ZNF766: variants seen among roughly 807,000 people sequenced by gnomAD.
ZNF766 encodes the protein zinc finger protein 766.
A neutral mutation model predicts 13.2 loss-of-function variants in ZNF766; 13 were observed. The ratio of observed to expected loss-of-function variants is 0.98; its 90% CI spans 0.64 to 1.56. The LOEUF (loss-of-function observed/expected upper bound fraction) is 1.56, where lower values mean the gene tolerates loss of function less well. ZNF766 is among the 40% of genes most tolerant of loss of function. The probability of loss-of-function intolerance (pLI) is 0.00; values close to 1 mark genes in which losing one functional copy is unlikely to be tolerated. For missense variants in ZNF766, 521 were observed against 552.2 expected, an observed-to-expected ratio of 0.94 and a Z score of 0.57; for synonymous variants, 178 against 187.6, an observed-to-expected ratio of 0.95 and a Z score of 0.42.
chr19:52,281,026 A>G (rs960110065), intron 1 of ZNF766, among the ~76,000 whole-genome samples: 36 of 151,798 alleles, frequency 2.4e-4, no homozygotes, highest in African/African-American at 8.7e-4. Flanking sequence ...GTGGTGGCAC[A>G]TACCTGTAAT....
At position 52,277,806 on chromosome 19, in the gene ZNF766, G is replaced by A. The variant is rs182162268; in HGVS notation, c.19-4305G>A. On this transcript the variant is annotated intron_variant, in intron 1 of 3. Transcript: ENST00000439461. ...TGGGTGGAGACGGGGTGAGGGCCCC[G>A]TGGTGTCAGTGCTGTTGGGCAGCAG... 4.1e-3 allele frequency among the ~76,000 whole-genome samples: 629 copies of A among 152,142 alleles called. 3 individuals carry two copies. The highest frequency in any genetic ancestry group is 0.014 in the African/African-American group (593 of 41,504).
In ZNF766 at chr19:52,290,483, C is replaced by A; in HGVS notation, c.692C>A (p.Ala231Glu). 6.2e-7 allele frequency: 1 copy of A among 1,613,960 alleles called. No homozygotes were observed. The highest frequency in any genetic ancestry group is 8.5e-7 in the Non-Finnish European group (1 of 1,179,918). Reference protein sequence around the residue: ...GKTVRDKSGLAEHWRIRTGEK... With the variant: ...GKTVRDKSGLEEHWRIRTGEK... ...ACCGTCAGGGACAAGTCAGGCCTCG[C>A]AGAACATTGGAGAATTCGTACAGGA... The change falls in exon 4 of 4, where the codon GCA becomes GAA. Residue 231 changes from alanine to glutamate, a missense_variant. Transcript: ENST00000439461.
intron 1 of ZNF766, among the ~76,000 whole-genome samples, chr19:52,270,551 G>A (rs1980933302): frequency 6.6e-6 from 1 of 152,048 alleles, no homozygotes; most frequent in African/African-American, 2.4e-5. Flanking sequence ...GAGCAGCGTG[G>A]TGCTGGCACA....
At chr19:52,278,011 C>T (rs1269188333) in intron 1 of ZNF766, among the ~76,000 whole-genome samples, 9 of 142,416 alleles carry the variant, frequency 6.3e-5, no homozygotes, top group East Asian at 2.0e-4. Context: ...CTTGCTCTGT[C>T]GTCCAGGCTG....
chr19:52,286,310 G>A (rs1247132864), intron 3 of ZNF766, among the ~76,000 whole-genome samples: 1 of 150,110 alleles, frequency 6.7e-6, no homozygotes, highest in African/African-American at 2.5e-5. Context: ...AGTGTGTTGA[G>A]TGTTTTTCTT....
chr19:52,290,196 A>G lies in ZNF766; in HGVS notation c.405A>G (p.Gln135=), dbSNP rs200339450. Residue 135 remains glutamine, a synonymous_variant, in exon 4 of 4, where the codon CAA becomes CAG. Coordinates refer to ENST00000439461, the MANE Select transcript of ZNF766 (RefSeq NM_001010851.3). ...AAGGGAAGATTTATGAATGTAATCA[A>G]GTTCAAAAGTTCATCAGCCACAGTT... The part of the protein sequence containing the change: ...QGEGKIYECN[Q]VQKFISHSSS... 1.8e-4 allele frequency: 283 copies of G among 1,614,074 alleles called. No homozygotes were observed. In the African/African-American group the frequency reaches 3.1e-3, roughly 18 times the overall value.
chr19:52,284,411 A>G (rs1292543709), intron 3 of ZNF766, among the ~76,000 whole-genome samples: 1 of 152,168 alleles, frequency 6.6e-6, no homozygotes, highest in East Asian at 1.9e-4. Flanking sequence ...TGGAAACTGC[A>G]TGGAGCTGTT....
chr19:52,283,299 G>T lies in ZNF766; in HGVS notation c.160G>T (p.Asp54Tyr). Residue 54 changes from aspartate (D) to tyrosine (Y), a missense_variant, in exon 3 of 4, where the codon GAC (aspartate) becomes TAC (tyrosine). Transcript: ENST00000439461. ...NLVSLGICLP[D>Y]LSIISMMKQR... Reference sequence around the variant, plus strand: ...TTTATAAACAGGAATCTGTCTTCCTGACCTGAGTATTATCTCCATGATGAA... The same window carrying T: ...TTTATAAACAGGAATCTGTCTTCCTTACCTGAGTATTATCTCCATGATGAA... 1 of 1,613,466 alleles carries T rather than the reference G, an allele frequency of 6.2e-7. No homozygotes were observed. The highest frequency in any genetic ancestry group is 1.1e-5 in the South Asian group (1 of 90,950).
intron 1 of ZNF766, among the ~76,000 whole-genome samples, chr19:52,278,442 C>T (rs1033739138): frequency 5.3e-5 from 8 of 152,014 alleles, no homozygotes; most frequent in Non-Finnish European, 1.0e-4. Context: ...TCGCTGTTGT[C>T]GCCCAGGCTG....
intron 3 of ZNF766, among the ~76,000 whole-genome samples, chr19:52,286,145 TAAA>T (rs975698382): frequency 2.3e-5 from 3 of 132,970 alleles, no homozygotes; most frequent in African/African-American, 6.1e-5. Flanking sequence ...AGAGCTCAAT[TAAA>T]AAAAAAAAAA....
intron 1 of ZNF766, chr19:52,281,882 T>G (rs1228920152): frequency 5.4e-6 from 3 of 552,566 alleles, no homozygotes; most frequent in Non-Finnish European, 1.0e-5. Context: ...CAGGTAGATA[T>G]TGAATGAAAA....
At position 52,269,601 on chromosome 19, in the gene ZNF766, A is replaced by G. The variant is rs370484188; in HGVS notation, c.-13A>G. 18 of 1,612,244 alleles carry G rather than the reference A, an allele frequency of 1.1e-5. No homozygotes were observed. Among genetic ancestry groups the G allele is most frequent in the Non-Finnish European group, 1.4e-5 (16 of 1,179,628 alleles). On this transcript the variant is annotated 5_prime_UTR_variant, in exon 1 of 4. It removes an upstream start codon present in the reference 5' UTR. Transcript: ENST00000439461. ...CAGCCGCCTGCAGACCCGGAAGTGG[A>G]TGGCGTGGAGATATGGCGCAACTGC...
intron 1 of ZNF766, among the ~76,000 whole-genome samples, chr19:52,276,797 C>T (rs1287549341): frequency 1.3e-5 from 2 of 152,314 alleles, no homozygotes; most frequent in Non-Finnish European, 2.9e-5. Context: ...GCCGTGTTCT[C>T]ATTTCTGAAG....
chr19:52,279,997 T>C (rs983357638), intron 1 of ZNF766, among the ~76,000 whole-genome samples: 5 of 152,028 alleles, frequency 3.3e-5, no homozygotes, highest in African/African-American at 1.2e-4. Context: ...GGTTTCACCA[T>C]GTTGGCCAGG....
rs1305493393 is a variant in ZNF766, at chr19:52,288,720, A to G, written c.275-1346A>G. ...TTTTTTTTTTTTCATGTATGCATAC[A>G]TCATTACAATATCCCTTCCAGCACT... On this transcript the variant is annotated intron_variant, in intron 3 of 3. Coordinates refer to ENST00000439461, the MANE Select transcript of ZNF766 (RefSeq NM_001010851.3). Among the ~76,000 whole-genome samples, 3 of 150,922 alleles carry G rather than the reference A, an allele frequency of 2.0e-5. No homozygotes were observed. The East Asian group carries it at 5.9e-4, about 29-fold the overall frequency.
chr19:52,277,769 C>G (rs1265491571), intron 1 of ZNF766, among the ~76,000 whole-genome samples: 1 of 151,934 alleles, frequency 6.6e-6, no homozygotes, highest in Non-Finnish European at 1.5e-5. Flanking sequence ...GGGAAGGGCT[C>G]ACACCCAGAC....
chr19:52,281,397 T>C (rs1041717197), intron 1 of ZNF766: 5 of 274,830 alleles, frequency 1.8e-5, no homozygotes, highest in Non-Finnish European at 2.8e-5. Flanking sequence ...TGCGTGCCTG[T>C]AATGCTAGCT....
chr19:52,288,001 A>G (rs1467429110), intron 3 of ZNF766: 2 of 421,880 alleles, frequency 4.7e-6, no homozygotes, highest in African/African-American at 4.3e-5. Flanking sequence ...TCTTTCTGCT[A>G]TCTTAGTGTT....
chr19:52,287,113 G>A lies in ZNF766; in HGVS notation c.275-2953G>A, dbSNP rs865943980. On this transcript the variant is annotated intron_variant, in intron 3 of 3. Coordinates refer to ENST00000439461, the MANE Select transcript of ZNF766 (RefSeq NM_001010851.3). ...GCCTCCCAAAGTGCTGGGATTACAG[G>A]TGTGAGCCACCGTGCCCGACCTGCT... Among the ~76,000 whole-genome samples, 5 of 151,970 alleles carry A rather than the reference G, an allele frequency of 3.3e-5. No individual in the cohort carries two copies. In the South Asian group the frequency reaches 8.3e-4, roughly 25 times the overall value.
Sources: gnomAD v4.1 joint callset for allele counts (sites outside exome capture counted in the v4.1 genomes callset) on GRCh38, gnomAD v4.1.1 for gene constraint, MANE v1.5 for transcripts, NCBI Gene and HGNC (gene_info 2026-07-23, HGNC 2026-07-21) for gene names.